Variants in GK5 observed in about 807,000 individuals in gnomAD.
GK5 encodes the protein glycerol kinase 5.
GK5 carries 39 observed loss-of-function variants against 77.3 expected under a neutral mutation model. That is an observed-to-expected ratio of 0.50 (90% CI 0.39 to 0.66). GK5 has a LOEUF of 0.66. Ranked by LOEUF, GK5 falls within the 30% of genes least tolerant of loss-of-function variation. The pLI is 0.00. For missense variants in GK5, 487 were observed against 633.8 expected (o/e 0.77, Z 2.49); for synonymous variants, 211 against 208.0 (o/e 1.01, Z -0.13).
At chr3:142,186,753 C>T (rs1031670548) in intron 6 of GK5, among the ~76,000 whole-genome samples, 1 of 151,766 alleles carries the variant, frequency 6.6e-6, no homozygotes, top group African/African-American at 2.4e-5. Flanking sequence ...GCCTCAGCCT[C>T]CCGAGTAGCT....
rs538089420 is a variant in GK5, at chr3:142,163,161, A to T, written c.*2461T>A. The T allele has an allele frequency of 6.6e-6, 1 of 152,168 alleles. No homozygotes were observed. The highest frequency in any genetic ancestry group is 2.4e-5 in the African/African-American group (1 of 41,432). The allele number at this position is 152,168 out of a possible 1,614,324, so 9.4% of individuals were successfully genotyped here. The stretch of plus-strand genomic sequence containing the variant: ...AATGGCCACAAATATTAAAAATAAA[A>T]TATTAGTTTTTAGATTCACAGAAGA... On this transcript the variant is annotated 3_prime_UTR_variant, in exon 16 of 16. Transcript: ENST00000392993.
At chr3:142,183,547 T>G (rs2063724490) in intron 9 of GK5, 1 of 152,690 alleles carries the variant, frequency 6.5e-6, no homozygotes, top group Non-Finnish European at 1.5e-5. Flanking sequence ...CTGGGCTCAC[T>G]GCAACCTCCA....
At position 142,160,289 on chromosome 3, in the gene GK5, C is replaced by G. The variant is rs888611289; in HGVS notation, c.*5333G>C. ...ACAGGTGTGAACCACCACGCTTATC[C>G]TGGGGCTTTTAATTCTTACTGAAAA... On this transcript the variant is annotated 3_prime_UTR_variant, in exon 16 of 16. Transcript: ENST00000392993. The G allele has an allele frequency of 1.3e-5, 2 of 152,176 alleles. No homozygotes were observed. Among genetic ancestry groups the G allele is most frequent in the African/African-American group, 4.8e-5 (2 of 41,436 alleles). The allele number at this position is 152,176 out of a possible 1,614,324, so 9.4% of individuals were successfully genotyped here. A position where few individuals can be genotyped will look rare whatever the true frequency, so the allele number is the denominator to read the frequency against.
intron 4 of GK5, among the ~76,000 whole-genome samples, chr3:142,199,303 T>A (rs1159521113): frequency 6.6e-6 from 1 of 152,126 alleles, no homozygotes; most frequent in African/African-American, 2.4e-5. Context: ...CAGTGGGATA[T>A]GTACACTTTA....
intron 11 of GK5, among the ~76,000 whole-genome samples, chr3:142,178,907 G>A (rs1172964829): frequency 3.9e-5 from 6 of 152,170 alleles, no homozygotes; most frequent in South Asian, 2.1e-4. Context: ...ACGAGAGTTC[G>A]TCACCTATCT....
rs981161903 is a variant in GK5, at chr3:142,164,262, C to T, written c.*1360G>A. ...ATAAATCTCTCCATTAGTTACATTACTATGTAACTAAAATAGCTAGTTCTA... is the reference window on the plus strand; with the variant it reads ...ATAAATCTCTCCATTAGTTACATTATTATGTAACTAAAATAGCTAGTTCTA... On this transcript the variant is annotated 3_prime_UTR_variant, in exon 16 of 16. Coordinates refer to ENST00000392993, the MANE Select transcript of GK5 (RefSeq NM_001039547.3). 6.6e-6 allele frequency: 1 copy of T among 152,114 alleles called. No homozygotes were observed. Among genetic ancestry groups the T allele is most frequent in the Non-Finnish European group, 1.5e-5 (1 of 68,030 alleles). 9.4% of individuals were successfully genotyped at this position (152,114 alleles called of 1,614,324 possible).
At position 142,225,413 on chromosome 3, in the gene GK5, G is replaced by A; in HGVS notation, c.43C>T (p.Pro15Ser). ...LTDPEQRAQE[P>S]RYPGFVLGLD... is the part of the protein sequence containing the mutation. ...CCCAGCACGAAGCCGGGGTACCGCG[G>A]CTCCTGCGCTCTCTGCTCCGGGTCC... Residue 15 changes from proline to serine, a missense_variant, in exon 1 of 16, where the codon CCG (proline) becomes TCG (serine). Physicochemically the swap from Pro to Ser is moderately conservative, Grantham distance 74 (BLOSUM62 -1). Coordinates refer to ENST00000392993, the MANE Select transcript of GK5 (RefSeq NM_001039547.3). 1 of 1,600,864 alleles carries A rather than the reference G, an allele frequency of 6.2e-7. No individual in the cohort carries two copies. Among genetic ancestry groups the A allele is most frequent in the Non-Finnish European group, 8.5e-7 (1 of 1,176,370 alleles).
rs1327908222 is a variant in GK5 at position 142,182,947 on chromosome 3, T to G, written c.919A>C (p.Asn307His). 1.2e-6 allele frequency: 2 copies of G among 1,611,324 alleles called. No individual in the cohort carries two copies. Among genetic ancestry groups the G allele is most frequent in the Non-Finnish European group, 1.7e-6 (2 of 1,177,620 alleles). Residue 307 changes from asparagine (N) to histidine (H), a missense_variant, in exon 10 of 16, where the codon AAT becomes CAT. Physicochemically the swap from Asn to His is moderately conservative, Grantham distance 68. This residue lies in a region of GK5 where 323 missense variants were observed against 437.4 expected (regional missense o/e 0.74). Coordinates refer to ENST00000392993, the MANE Select transcript of GK5 (RefSeq NM_001039547.3). The stretch of plus-strand genomic sequence containing the variant: ...CCTCCAGTAGTCTGTTGAAGGCTAT[T>G]TCCAGTGTTAATATCCAAAAATGTC... ...TGTFLDINTG[N>H]SLQQTTGGFY...
At position 142,171,419 on chromosome 3, in the gene GK5, C is replaced by T. The variant is rs2063535827; in HGVS notation, c.1307G>A (p.Arg436Gln). The change falls in exon 14 of 16, where the codon CGG (arginine) becomes CAG (glutamine). Residue 436 changes from arginine to glutamine, a missense_variant and splice_region_variant. By Grantham distance (43) the Arg-to-Gln change is conservative. Transcript: ENST00000392993. ...KEIHIPVRKI[R>Q]ADGGVCKNGF... ...TCTATTAGAAATAAACTTTACATAC[C>T]GGATTTTTCTTACAGGAATATGAAT... is the stretch of plus-strand genomic sequence containing the variant. 6.1e-6 allele frequency: 9 copies of T among 1,477,650 alleles called. No individual in the cohort carries two copies. Among genetic ancestry groups the T allele is most frequent in the Non-Finnish European group, 8.2e-6 (9 of 1,097,148 alleles). The allele number at this position is 1,477,650 out of a possible 1,614,324, so 91.5% of individuals were successfully genotyped here.
intron 3 of GK5, among the ~76,000 whole-genome samples, chr3:142,211,780 T>A (rs1383900235): frequency 6.6e-6 from 1 of 152,166 alleles, no homozygotes; most frequent in African/African-American, 2.4e-5. Context: ...GGTAGCAAAG[T>A]GAAGACCTCA....
chr3:142,209,873 T>C (rs1245428409), intron 3 of GK5, among the ~76,000 whole-genome samples: 1 of 152,052 alleles, frequency 6.6e-6, no homozygotes, highest in East Asian at 1.9e-4. Context: ...GTGTTGCTAA[T>C]TGGCACACAC....
intron 7 of GK5, 42 bp downstream of exon 7, chr3:142,186,410 A>G (rs1238964343): frequency 8.4e-7 from 1 of 1,185,842 alleles, no homozygotes. Context: ...TCTATATTAC[A>G]CAAAAATGTG....
In GK5 at chr3:142,172,350, T is replaced by C. The variant is rs2063550352; in HGVS notation, c.1247+3A>G. ...AGGGGAAGTTTAGGGCAGGTTTTCA[T>C]ACCTGAAAGCTATTGACTCCAATAT... On this transcript the variant is annotated splice_donor_region_variant and intron_variant, in intron 13 of 15. Transcript: ENST00000392993. 3 of 1,518,154 alleles carry C rather than the reference T, an allele frequency of 2.0e-6. No individual in the cohort carries two copies. Among genetic ancestry groups the C allele is most frequent in the Non-Finnish European group, 2.7e-6 (3 of 1,101,616 alleles). The allele number at this position is 1,518,154 out of a possible 1,614,324, so 94.0% of individuals were successfully genotyped here.
intron 13 of GK5, among the ~76,000 whole-genome samples, chr3:142,172,067 A>T (rs760520022): frequency 4.6e-5 from 7 of 152,146 alleles, no homozygotes; most frequent in Non-Finnish European, 1.0e-4. Context: ...ACCTTTGAAA[A>T]TCCAAATTTT....
chr3:142,192,044 A>C (rs2063859688), intron 5 of GK5, among the ~76,000 whole-genome samples: 1 of 152,174 alleles, frequency 6.6e-6, no homozygotes, highest in South Asian at 2.1e-4. Context: ...ATCTGAACAG[A>C]CACCTCACCC....
intron 9 of GK5, 127 bp from the exon 10 acceptor site, chr3:142,183,176 T>TA (rs1289872308): frequency 5.9e-3 from 4,122 of 703,612 alleles, no homozygotes; most frequent in Admixed American, 8.4e-3. Context: ...TCCTTAAAAT[T>TA]AAAAAAAAAA....
intron 1 of GK5, among the ~76,000 whole-genome samples, chr3:142,216,470 G>C (rs1242039279): frequency 1.3e-5 from 2 of 152,004 alleles, no homozygotes; most frequent in Non-Finnish European, 2.9e-5. Context: ...AAATCCTGAG[G>C]AAGGTAAAAC....
intron 11 of GK5, among the ~76,000 whole-genome samples, chr3:142,179,316 GTTTCA>G (rs951699333): frequency 1.8e-3 from 269 of 152,260 alleles, no homozygotes; most frequent in African/African-American, 5.8e-3. Flanking sequence ...AAATCCGTAA[GTTTCA>G]TCCATTTGTT....
At chr3:142,180,949 C>G (rs2107773292) in intron 11 of GK5, among the ~76,000 whole-genome samples, 1 of 152,294 alleles carries the variant, frequency 6.6e-6, no homozygotes, top group African/African-American at 2.4e-5. Flanking sequence ...CAAACCACCC[C>G]CCAGACTGAC....
Sources: allele counts gnomAD v4.1 joint callset (sites outside exome capture counted in the v4.1 genomes callset), GRCh38; gene constraint gnomAD v4.1.1; regional missense constraint gnomAD v4.1.1; transcripts MANE v1.5; gene names NCBI Gene and HGNC (gene_info 2026-07-23, HGNC 2026-07-21).